Variants in LRRC37A2 observed in about 807,000 individuals in gnomAD.
LRRC37A2 encodes the protein leucine-rich repeat-containing protein 37A2.
LRRC37A2 carries 9 observed loss-of-function variants against 68.8 expected under a neutral mutation model. The observed-to-expected ratio is 0.13, with a 90% CI of 0.08 to 0.23. The LOEUF (loss-of-function observed/expected upper bound fraction) is 0.23, where lower values mean the gene tolerates loss of function less well. LRRC37A2 is among the 10% of genes least tolerant of loss of function. The pLI is 1.00. For missense variants in LRRC37A2, 168 were observed against 950.4 expected, an observed-to-expected ratio of 0.18 and a Z score of 10.82; for synonymous variants, 63 against 367.6, an observed-to-expected ratio of 0.17 and a Z score of 9.48.
At chr17:46,760,027 G>A in the LRRC37A2 span, among the ~76,000 whole-genome samples, 1 of 152,146 alleles carries the variant, frequency 6.6e-6, no homozygotes. Context: ...CAACACTTTG[G>A]GAGGCTGAAG....
At chr17:46,866,363 T>G in the LRRC37A2 span, among the ~76,000 whole-genome samples, 2 of 151,812 alleles carry the variant, frequency 1.3e-5, no homozygotes, top group Non-Finnish European at 2.9e-5. Context: ...AGTGTGTGTG[T>G]GAGTGTGTAT....
At chr17:46,493,952 C>T in the LRRC37A2 span, among the ~76,000 whole-genome samples, 1 of 151,084 alleles carries the variant, frequency 6.6e-6, no homozygotes, top group African/African-American at 2.5e-5. Flanking sequence ...GGTGATCCTC[C>T]CACCACCTCA....
chr17:46,927,897 A>T, the LRRC37A2 span, among the ~76,000 whole-genome samples: 1 of 151,526 alleles, frequency 6.6e-6, no homozygotes, highest in East Asian at 1.9e-4. Flanking sequence ...CAACTTTCAG[A>T]TTTTTCTGTT....
the LRRC37A2 span, among the ~76,000 whole-genome samples, chr17:47,001,911 G>GTTGTAT: frequency 2.0e-5 from 3 of 151,870 alleles, no homozygotes; most frequent in Non-Finnish European, 4.4e-5. Context: ...TAGTACAAAT[G>GTTGTAT]TTGTATTTGT....
chr17:46,992,115 C>T, the LRRC37A2 span, among the ~76,000 whole-genome samples: 3 of 152,058 alleles, frequency 2.0e-5, no homozygotes, highest in Non-Finnish European at 4.4e-5. Context: ...AATCCCAGCA[C>T]TTTGGGAGGC....
the LRRC37A2 span, among the ~76,000 whole-genome samples, chr17:46,708,804 TTA>T: frequency 4.2e-4 from 27 of 64,376 alleles, no homozygotes; most frequent in African/African-American, 1.1e-3. Context: ...ACCATTTATT[TTA>T]TATATATATA....
chr17:46,815,900 T>C, the LRRC37A2 span, among the ~76,000 whole-genome samples: 172 of 152,228 alleles, frequency 1.1e-3, 1 homozygote, highest in African/African-American at 4.0e-3. Flanking sequence ...GGTAGATGTC[T>C]GCAAAGATAT....
chr17:46,902,941 G>T, the LRRC37A2 span, among the ~76,000 whole-genome samples: 1 of 152,184 alleles, frequency 6.6e-6, no homozygotes, highest in Non-Finnish European at 1.5e-5. Context: ...GACAGTTGAA[G>T]GGAAGTTCTG....
the LRRC37A2 span, among the ~76,000 whole-genome samples, chr17:46,913,410 T>A: frequency 6.6e-6 from 1 of 152,080 alleles, no homozygotes; most frequent in African/African-American, 2.4e-5. Context: ...GGAGCACCAG[T>A]GCTAAGGAAG....
intron 4 of LRRC37A2, among the ~76,000 whole-genome samples, chr17:46,520,988 T>A (rs2052204229): frequency 1.2e-5 from 1 of 81,496 alleles, no homozygotes; most frequent in African/African-American, 3.6e-5. Context: ...AATAGACTGG[T>A]ATTAAGGATT....
At position 46,521,072 on chromosome 17, in the gene LRRC37A2, C is replaced by A. The variant is rs1257976109; in HGVS notation, c.2753+789C>A. ...ACTGGTAGAGCTAGAAATGTTTACA[C>A]TAAGAAGCACATCAGAAATGCCCCT... On this transcript the variant is annotated intron_variant, in intron 4 of 14. Transcript: ENST00000576629. 2.5e-5 allele frequency among the ~76,000 whole-genome samples: 2 copies of A among 79,264 alleles called. 1 individual carries two copies. The highest frequency in any genetic ancestry group is 7.4e-5 in the African/African-American group (2 of 26,914). 52.0% of individuals were successfully genotyped at this position (79,264 alleles called of 152,430 possible).
chr17:46,992,853 CAAAAAAAAA>C, the LRRC37A2 span, among the ~76,000 whole-genome samples: 1 of 65,166 alleles, frequency 1.5e-5, no homozygotes, highest in South Asian at 7.8e-4. Context: ...AACTCCATCT[CAAAAAAAAA>C]AAAAAAAAAA....
chr17:46,914,299 G>T, the LRRC37A2 span, among the ~76,000 whole-genome samples: 2 of 152,024 alleles, frequency 1.3e-5, no homozygotes, highest in African/African-American at 4.8e-5. Context: ...GAAGGGGAGT[G>T]ACCAGGCCAG....
chr17:46,998,811 CAG>C, the LRRC37A2 span: 1 of 152,254 alleles, frequency 6.6e-6, no homozygotes, highest in African/African-American at 2.4e-5. Flanking sequence ...CTGCGTGTGA[CAG>C]ACCCCTGTGA....
chr17:46,906,001 C>A, the LRRC37A2 span, among the ~76,000 whole-genome samples: 15 of 152,202 alleles, frequency 9.9e-5, no homozygotes, highest in Admixed American at 9.2e-4. Flanking sequence ...GGGCTGCCGA[C>A]CTTCTCCCTT....
chr17:46,938,993 G>C, the LRRC37A2 span: 6 of 1,379,574 alleles, frequency 4.3e-6, no homozygotes, highest in East Asian at 6.2e-5. Flanking sequence ...AAGAAGTCCC[G>C]GGTCTGTCTC....
At chr17:46,786,252 G>A in the LRRC37A2 span, among the ~76,000 whole-genome samples, 2 of 152,140 alleles carry the variant, frequency 1.3e-5, no homozygotes, top group African/African-American at 4.8e-5. Flanking sequence ...GAGGAGTCAA[G>A]GGTGGAAGAA....
At chr17:46,965,869 G>A in the LRRC37A2 span, among the ~76,000 whole-genome samples, 1 of 150,922 alleles carries the variant, frequency 6.6e-6, no homozygotes, top group Non-Finnish European at 1.5e-5. Flanking sequence ...GGTCTCAAGT[G>A]ATCCTCTTGC....
the LRRC37A2 span, among the ~76,000 whole-genome samples, chr17:46,949,573 A>G: frequency 2.3e-4 from 35 of 152,168 alleles, no homozygotes; most frequent in Non-Finnish European, 3.8e-4. Flanking sequence ...GGAGAGTACA[A>G]TCTGCCACAC....
Sources: allele counts gnomAD v4.1 joint callset (sites outside exome capture counted in the v4.1 genomes callset), GRCh38; gene constraint gnomAD v4.1.1; transcripts MANE v1.5; gene names NCBI Gene and HGNC (gene_info 2026-07-23, HGNC 2026-07-21).